Variants in DDX42 observed in about 807,000 individuals in gnomAD.
DDX42 encodes ATP-dependent RNA helicase DDX42.
In DDX42, 22 loss-of-function variants were observed where a neutral mutation model predicts 101.5. The ratio of observed to expected loss-of-function variants is 0.22; its 90% confidence interval spans 0.15 to 0.31. The LOEUF (loss-of-function observed/expected upper bound fraction) is 0.31. DDX42 is among the 10% of genes least tolerant of loss of function. The probability of loss-of-function intolerance (pLI) is 1.00; values close to 1 mark genes in which losing one functional copy is unlikely to be tolerated. For missense variants in DDX42, 849 were observed against 1,199.9 expected, an observed-to-expected ratio of 0.71 and a Z score of 4.32; for synonymous variants, 402 against 401.2, an observed-to-expected ratio of 1.00 and a Z score of -0.02.
At position 63,818,599 on chromosome 17, in the gene DDX42, A is replaced by G. The variant is rs2040009780; in HGVS notation, c.*201A>G. On this transcript the variant is annotated 3_prime_UTR_variant, in exon 18 of 18. Transcript: ENST00000389924. ...GGAAGCTGTTTTGGTCCTTGGAAGCAGTGAGAGCTGGGAAGCTTCTTTTGG... is the reference window on the plus strand; with the variant it reads ...GGAAGCTGTTTTGGTCCTTGGAAGCGGTGAGAGCTGGGAAGCTTCTTTTGG... 5.4e-6 allele frequency: 3 copies of G among 559,750 alleles called. No individual in the cohort carries two copies. In the South Asian group the frequency reaches 6.9e-5, roughly 13 times the overall value. 34.7% of individuals were successfully genotyped at this position (559,750 alleles called of 1,614,324 possible).
chr17:63,815,043 CTT>C lies in DDX42; in HGVS notation c.1903-517_1903-516del, dbSNP rs147301942. Among the ~76,000 whole-genome samples the C allele has an allele frequency of 7.6e-3, 1,155 of 152,292 alleles. 14 individuals carry two copies. Among genetic ancestry groups the C allele is most frequent in the African/African-American group, 0.026 (1,067 of 41,544 alleles). ...TGGCAATGGTCAAGTTCAATGAAAACTTTTACGCTCTGCGGGTAAATAAAATT... is the reference window on the plus strand; with the variant it reads ...TGGCAATGGTCAAGTTCAATGAAAACTTACGCTCTGCGGGTAAATAAAATT... On this transcript the variant is annotated intron_variant, in intron 15 of 17. Coordinates refer to ENST00000389924, the MANE Select transcript of DDX42 (RefSeq NM_203499.3).
chr17:63,807,963 G>A, intron 9 of DDX42, 63 bp downstream of exon 9: 6 of 1,505,198 alleles, frequency 4.0e-6, no homozygotes, highest in Non-Finnish European at 5.4e-6. Context: ...AGCCAGTCAA[G>A]TGAGGTAGAA....
chr17:63,809,000 A>C, intron 10 of DDX42, 52 bp downstream of exon 10: 1 of 1,595,386 alleles, frequency 6.3e-7, no homozygotes, highest in South Asian at 1.1e-5. Flanking sequence ...GGTATGGAAA[A>C]CATGATTAGT....
At chr17:63,807,988 T>G in intron 9 of DDX42, 88 bp downstream of exon 9, 3 of 1,293,300 alleles carry the variant, frequency 2.3e-6, no homozygotes, top group Non-Finnish European at 3.1e-6. Context: ...CAGGAAACTT[T>G]TTTTTTTAAT....
chr17:63,787,843 G>GA (rs1226242660), intron 2 of DDX42, among the ~76,000 whole-genome samples: 1 of 147,568 alleles, frequency 6.8e-6, no homozygotes, highest in South Asian at 2.1e-4. Context: ...TCCCATCTCA[G>GA]AAAAAAACCA....
chr17:63,777,450 C>CTTTT (rs1336711645), intron 1 of DDX42, among the ~76,000 whole-genome samples: 2 of 139,250 alleles, frequency 1.4e-5, no homozygotes, highest in African/African-American at 5.2e-5. Flanking sequence ...CTTTTTCTTT[C>CTTTT]TTTTTTTTTT....
Position 63,817,931 on chromosome 17 carries a change from G to A in DDX42, c.2350G>A (p.Ala784Thr). The change falls in exon 18 of 18, where the codon GCC (alanine) becomes ACC (threonine). Residue 784 changes from alanine (A) to threonine (T), a missense_variant. Transcript: ENST00000389924. The stretch of plus-strand genomic sequence containing the variant: ...CCCTGTGACCTACCCGTCTGCCGGA[G>A]CCCAAGGAGTCAACAACACAGCTTC... ...GAPVTYPSAG[A>T]QGVNNTASGN... is the part of the protein sequence containing the mutation. The A allele has an allele frequency of 1.2e-6, 2 of 1,614,192 alleles. No homozygotes were observed. The highest frequency in any genetic ancestry group is 2.2e-5 in the South Asian group (2 of 91,080).
At chr17:63,794,829 G>C (rs983406875) in intron 3 of DDX42, among the ~76,000 whole-genome samples, 6 of 151,570 alleles carry the variant, frequency 4.0e-5, no homozygotes, top group African/African-American at 1.5e-4. Flanking sequence ...CCTGCTACTC[G>C]GGAGGCTGAG....
chr17:63,818,563 A>T lies in DDX42; in HGVS notation c.*165A>T. 1.5e-6 allele frequency: 1 copy of T among 662,996 alleles called. No individual in the cohort carries two copies. Among genetic ancestry groups the T allele is most frequent in the Non-Finnish European group, 2.5e-6 (1 of 404,820 alleles). The allele number at this position is 662,996 out of a possible 1,614,324, so 41.1% of individuals were successfully genotyped here. A position where few individuals can be genotyped will look rare whatever the true frequency, so the allele number is the denominator to read the frequency against. On this transcript the variant is annotated 3_prime_UTR_variant, in exon 18 of 18. Transcript: ENST00000389924. ...CCCCTTCATCAGAAGGAATTTTCGGATGTTTTCTTGGGAAGCTGTTTTGGT... is the reference window on the plus strand; with the variant it reads ...CCCCTTCATCAGAAGGAATTTTCGGTTGTTTTCTTGGGAAGCTGTTTTGGT...
chr17:63,790,356 C>T (rs1054278746), intron 2 of DDX42, among the ~76,000 whole-genome samples: 8 of 151,916 alleles, frequency 5.3e-5, no homozygotes, highest in East Asian at 1.9e-4. Flanking sequence ...CAGGCACAAT[C>T]GCTCACGTCT....
intron 13 of DDX42, 140 bp downstream of exon 13, chr17:63,811,313 G>A (rs1345827602): frequency 3.1e-6 from 2 of 635,962 alleles, no homozygotes; most frequent in Non-Finnish European, 5.0e-6. Context: ...TGGGTATTTT[G>A]CAAGTTGTGG....
intron 3 of DDX42, among the ~76,000 whole-genome samples, chr17:63,795,510 C>A (rs1028575289): frequency 2.5e-5 from 2 of 79,622 alleles, no homozygotes; most frequent in Non-Finnish European, 4.5e-5. Flanking sequence ...CACCACCACA[C>A]TTGGCTAATT....
rs1374999925 is a variant in DDX42, at chr17:63,806,790, T to A, written c.846+136T>A. The A allele has an allele frequency of 7.6e-6, 7 of 923,374 alleles. No homozygotes were observed. The East Asian group carries it at 1.3e-4, about 17-fold the overall frequency. The allele number at this position is 923,374 out of a possible 1,614,324, so 57.2% of individuals were successfully genotyped here. A position where few individuals can be genotyped will look rare whatever the true frequency, so the allele number is the denominator to read the frequency against. On this transcript the variant is annotated intron_variant, in intron 8 of 17. Coordinates refer to ENST00000389924, the MANE Select transcript of DDX42 (RefSeq NM_203499.3). ...TAAGGATAGAGGTATTTATCACTCT[T>A]AAGAAGTCACTAAATGGCTGACAAA...
chr17:63,803,373 G>C lies in DDX42; in HGVS notation c.622-1698G>C, dbSNP rs148997145. ...GGAGGCCAAGGTGGGCAGATCACTTGAGGGCAGGAGTTTGAGACCAGCCTG... is the reference window on the plus strand; with the variant it reads ...GGAGGCCAAGGTGGGCAGATCACTTCAGGGCAGGAGTTTGAGACCAGCCTG... On this transcript the variant is annotated intron_variant, in intron 6 of 17. Coordinates refer to ENST00000389924, the MANE Select transcript of DDX42 (RefSeq NM_203499.3). 1.3e-3 allele frequency among the ~76,000 whole-genome samples: 196 copies of C among 152,036 alleles called. 1 individual carries two copies. Among genetic ancestry groups the C allele is most frequent in the African/African-American group, 4.7e-3 (193 of 41,478 alleles).
At chr17:63,807,671 G>C (rs2039859241) in intron 8 of DDX42, 53 bp from the exon 9 acceptor site, 1 of 1,538,826 alleles carries the variant, frequency 6.5e-7, no homozygotes, top group Non-Finnish European at 8.8e-7. Flanking sequence ...ATTTGCTTCA[G>C]TACATCTTTA....
intron 17 of DDX42, 142 bp from the exon 18 acceptor site, chr17:63,817,552 A>G (rs914218050): frequency 6.6e-6 from 5 of 752,342 alleles, no homozygotes; most frequent in Non-Finnish European, 1.1e-5. Context: ...AAAAGGGACC[A>G]TACTGTGGGG....
At chr17:63,789,576 T>G (rs1401046554) in intron 2 of DDX42, among the ~76,000 whole-genome samples, 6 of 110,964 alleles carry the variant, frequency 5.4e-5, no homozygotes, top group Non-Finnish European at 8.9e-5. Flanking sequence ...TTTTTGTTTT[T>G]TTTTTTTTTT....
At position 63,817,011 on chromosome 17, in the gene DDX42, T is replaced by C. The variant is rs763470585; in HGVS notation, c.2112+45T>C. On this transcript the variant is annotated intron_variant, in intron 17 of 17. Transcript: ENST00000389924. ...TTAAAAGCACTTTCAGCAGTAACTC[T>C]TGGGCAGTGACAGAGGGGCTTAGTT... The C allele has an allele frequency of 4.2e-5, 65 of 1,561,760 alleles. No homozygotes were observed. In the Admixed American group the frequency reaches 8.9e-4, roughly 21 times the overall value.
intron 7 of DDX42, 156 bp downstream of exon 7, chr17:63,805,331 C>G: frequency 1.1e-6 from 1 of 891,640 alleles, no homozygotes; most frequent in African/African-American, 1.8e-5. Context: ...GTTCATGTCT[C>G]TTAATTTGAT....
Sources: gnomAD v4.1 joint callset for allele counts (sites outside exome capture counted in the v4.1 genomes callset) on GRCh38, gnomAD v4.1.1 for gene constraint, MANE v1.5 for transcripts, NCBI Gene and HGNC (gene_info 2026-07-23, HGNC 2026-07-21) for gene names.